Variants in ITGA9 observed in about 807,000 individuals in gnomAD.
The protein encoded by ITGA9 is integrin alpha-9.
Under a neutral mutation model 127.8 loss-of-function variants are expected in ITGA9, and 56 were observed. The observed-to-expected ratio is 0.44, with a 90% CI of 0.35 to 0.55. The LOEUF is 0.55. ITGA9 is among the 20% of genes least tolerant of loss of function. The pLI is 0.00. For synonymous variants in ITGA9, 508 were observed against 514.5 expected, an observed-to-expected ratio of 0.99 and a Z score of 0.17; for missense variants, 1,196 against 1,347.1, an observed-to-expected ratio of 0.89 and a Z score of 1.76.
At chr3:37,718,110 G>A (rs1240354907) in intron 18 of ITGA9, among the ~76,000 whole-genome samples, 1 of 152,172 alleles carries the variant, frequency 6.6e-6, no homozygotes, top group Non-Finnish European at 1.5e-5. Flanking sequence ...GTGTTACAAA[G>A]GCATATGGCC....
intron 11 of ITGA9, among the ~76,000 whole-genome samples, 172 bp from the exon 12 acceptor site, chr3:37,523,349 T>C (rs748141835): frequency 3.3e-5 from 5 of 152,184 alleles, no homozygotes; most frequent in Admixed American, 2.0e-4. Flanking sequence ...AAGGAGTGTG[T>C]GGCCTTCAAC....
chr3:37,642,962 A>C (rs1700346674), intron 16 of ITGA9, among the ~76,000 whole-genome samples: 1 of 152,202 alleles, frequency 6.6e-6, no homozygotes, highest in Non-Finnish European at 1.5e-5. Context: ...GCCATTATTT[A>C]CAGCTCTAAG....
intron 16 of ITGA9, among the ~76,000 whole-genome samples, chr3:37,638,235 C>T (rs954322411): frequency 4.6e-5 from 7 of 151,938 alleles, no homozygotes; most frequent in Non-Finnish European, 8.8e-5. Context: ...CATAAACGGA[C>T]GTGGGTAATA....
rs1482761064 is a variant in ITGA9 at position 37,634,198 on chromosome 3, C to T, written c.1839+4862C>T. Among the ~76,000 whole-genome samples the T allele has an allele frequency of 2.6e-5, 4 of 151,220 alleles. No individual in the cohort carries two copies. In the East Asian group the frequency reaches 7.8e-4, roughly 29 times the overall value. Reference sequence around the variant, plus strand: ...AAGGAAGAAAGGAACAAAGGATCTACAAAACAACTAGAAAACAACAAAATT... The same window carrying T: ...AAGGAAGAAAGGAACAAAGGATCTATAAAACAACTAGAAAACAACAAAATT... On this transcript the variant is annotated intron_variant, in intron 16 of 27. Transcript: ENST00000264741.
chr3:37,585,103 C>T (rs1357519332), intron 15 of ITGA9, among the ~76,000 whole-genome samples: 1 of 152,140 alleles, frequency 6.6e-6, no homozygotes, highest in Non-Finnish European at 1.5e-5. Flanking sequence ...GTGACCACTC[C>T]CCACCTTGCT....
intron 11 of ITGA9, among the ~76,000 whole-genome samples, chr3:37,520,921 A>G (rs72867577): frequency 0.045 from 6,904 of 152,274 alleles, 437 homozygotes; most frequent in African/African-American, 0.15. Context: ...GAGAGACCCC[A>G]GCTTCCCCTC....
intron 18 of ITGA9, among the ~76,000 whole-genome samples, chr3:37,710,485 C>T (rs1483951441): frequency 6.6e-6 from 1 of 152,162 alleles, no homozygotes; most frequent in Non-Finnish European, 1.5e-5. Context: ...GGGAGGATGT[C>T]TTGATCCTGG....
intron 16 of ITGA9, among the ~76,000 whole-genome samples, chr3:37,633,463 T>G: frequency 6.6e-6 from 1 of 152,226 alleles, no homozygotes; most frequent in East Asian, 1.9e-4. Context: ...AAAAGTCATC[T>G]AACACAAAGC....
intron 6 of ITGA9, among the ~76,000 whole-genome samples, chr3:37,504,725 T>G (rs2125571083): frequency 6.6e-6 from 1 of 152,302 alleles, no homozygotes; most frequent in Non-Finnish European, 1.5e-5. Context: ...GCTGCAGGGA[T>G]TATCAAGGAT....
intron 20 of ITGA9, among the ~76,000 whole-genome samples, chr3:37,741,058 A>G (rs146978865): frequency 6.6e-5 from 10 of 152,240 alleles, no homozygotes; most frequent in South Asian, 2.1e-4. Flanking sequence ...CCTGGCTGCA[A>G]TACCCTAACT....
chr3:37,635,288 T>C (rs970563611), intron 16 of ITGA9, among the ~76,000 whole-genome samples: 10 of 152,316 alleles, frequency 6.6e-5, no homozygotes, highest in Admixed American at 5.2e-4. Flanking sequence ...TTTTCAATAT[T>C]TATAATTAAG....
chr3:37,774,532 C>CA (rs60606543), intron 23 of ITGA9, among the ~76,000 whole-genome samples: 49,194 of 135,364 alleles, frequency 0.36, 10,290 homozygotes, highest in African/African-American at 0.61. Flanking sequence ...CTATCTCTAC[C>CA]AAAAAAAAAA....
chr3:37,466,487 A>AG, intron 1 of ITGA9, among the ~76,000 whole-genome samples: 1 of 143,958 alleles, frequency 6.9e-6, no homozygotes, highest in Non-Finnish European at 1.5e-5. Flanking sequence ...CCATCTCAAA[A>AG]AAAAAAAAAA....
At chr3:37,654,694 CA>C (rs1041157751) in intron 17 of ITGA9, among the ~76,000 whole-genome samples, 5 of 152,166 alleles carry the variant, frequency 3.3e-5, no homozygotes, top group East Asian at 1.9e-4. Flanking sequence ...TACACTAGGA[CA>C]TTTTTTTTAT....
Position 37,533,375 on chromosome 3 carries a change from G to A in ITGA9, c.1435G>A (p.Ala479Thr). The part of the protein sequence containing the change: ...IFLPGSINIT[A>T]PQCHDGQQPV... ...CCTCCCGGGCTCCATCAACATCACA[G>A]CGCCTCAGTGTCACGACGGACAGCA... The change falls in exon 14 of 28, where the codon GCG becomes ACG. Residue 479 changes from alanine to threonine, a missense_variant. Transcript: ENST00000264741. 1 of 1,614,186 alleles carries A rather than the reference G, an allele frequency of 6.2e-7. No homozygotes were observed. Among genetic ancestry groups the A allele is most frequent in the Non-Finnish European group, 8.5e-7 (1 of 1,180,028 alleles).
At chr3:37,575,289 G>T (rs1699642998) in intron 15 of ITGA9, among the ~76,000 whole-genome samples, 1 of 152,158 alleles carries the variant, frequency 6.6e-6, no homozygotes. Context: ...CAGATCACTG[G>T]TTGACCTTCA....
At chr3:37,605,938 A>G (rs151056418) in intron 15 of ITGA9, among the ~76,000 whole-genome samples, 25 of 152,150 alleles carry the variant, frequency 1.6e-4, no homozygotes, top group Middle Eastern at 3.4e-3. Context: ...GTGCATGAGT[A>G]TGATATAGTG....
chr3:37,784,922 G>A (rs758235358), intron 25 of ITGA9, 55 bp from the exon 26 acceptor site: 10 of 1,449,260 alleles, frequency 6.9e-6, no homozygotes, highest in African/African-American at 2.8e-5. Flanking sequence ...CCCTCTCAAG[G>A]CCCAGCCATT....
In ITGA9 at chr3:37,819,676, G is replaced by A. The variant is rs1309533315; in HGVS notation, c.*687G>A. On this transcript the variant is annotated 3_prime_UTR_variant, in exon 28 of 28. Coordinates refer to ENST00000264741, the MANE Select transcript of ITGA9 (RefSeq NM_002207.3). Reference sequence around the variant, plus strand: ...TGTTTTTTCATATGTACTTTTCATTGGAAGATTCCCAACAAGAATTTGGAT... The same window carrying A: ...TGTTTTTTCATATGTACTTTTCATTAGAAGATTCCCAACAAGAATTTGGAT... 1 of 152,280 alleles carries A rather than the reference G, an allele frequency of 6.6e-6. No homozygotes were observed. Among genetic ancestry groups the A allele is most frequent in the Non-Finnish European group, 1.5e-5 (1 of 68,160 alleles). 9.4% of individuals were successfully genotyped at this position (152,280 alleles called of 1,614,324 possible). A position where few individuals can be genotyped will look rare whatever the true frequency, so the allele number is the denominator to read the frequency against.
Sources: allele counts gnomAD v4.1 joint callset (sites outside exome capture counted in the v4.1 genomes callset), GRCh38; gene constraint gnomAD v4.1.1; transcripts MANE v1.5; gene names NCBI Gene and HGNC (gene_info 2026-07-23, HGNC 2026-07-21).